Variants in RBM27 observed in about 807,000 individuals in gnomAD.
RBM27 encodes RNA binding motif protein 27.
In RBM27, 22 loss-of-function variants were observed where a neutral mutation model predicts 135.3. That is an observed-to-expected ratio of 0.16 (90% CI 0.12 to 0.23). RBM27 has a LOEUF of 0.23. Among genes scored for constraint, RBM27 ranks in the 10% least tolerant of loss-of-function variants. The pLI, the probability that RBM27 is intolerant of heterozygous loss-of-function variation, is 1.00. For synonymous variants in RBM27, 481 were observed against 442.4 expected (o/e 1.09, Z -1.10); for missense variants, 1,009 against 1,281.0 (o/e 0.79, Z 3.24).
intron 1 of RBM27, among the ~76,000 whole-genome samples, chr5:146,210,200 A>G (rs112544746): frequency 0.019 from 2,969 of 152,282 alleles, 106 homozygotes; most frequent in African/African-American, 0.068. Context: ...CACTCAGTAT[A>G]TGTTTAAATG....
intron 19 of RBM27, among the ~76,000 whole-genome samples, chr5:146,282,419 A>G (rs1018424334): frequency 1.3e-5 from 2 of 152,214 alleles, no homozygotes; most frequent in African/African-American, 4.8e-5. Context: ...TCTCTTGGAT[A>G]TACAGTTGGC....
chr5:146,242,512 A>G (rs941903648), intron 8 of RBM27, among the ~76,000 whole-genome samples: 1 of 152,262 alleles, frequency 6.6e-6, no homozygotes, highest in Non-Finnish European at 1.5e-5. Flanking sequence ...TAAAATTTAT[A>G]GAGAAATTTT....
In RBM27 at chr5:146,271,672, T is replaced by C. The variant is rs778158767; in HGVS notation, c.2986T>C (p.Ser996Pro). Residue 996 changes from serine to proline, a missense_variant and splice_region_variant, in exon 19 of 21, where the codon TCA becomes CCA. Coordinates refer to ENST00000265271, the MANE Select transcript of RBM27 (RefSeq NM_018989.2). ...EEKEDLLQHF[S>P]TANQGPKFKD... ...AAAAGAAGACTTGCTTCAGCATTTC[T>C]CAGTAAGTTTTTAAAATAGCAAATG... is the stretch of plus-strand genomic sequence containing the variant. 1.2e-6 allele frequency: 2 copies of C among 1,609,402 alleles called. No individual in the cohort carries two copies. Among genetic ancestry groups the C allele is most frequent in the East Asian group, 4.5e-5 (2 of 44,852 alleles).
intron 15 of RBM27, among the ~76,000 whole-genome samples, chr5:146,268,955 A>G (rs887879213): frequency 2.0e-5 from 3 of 152,210 alleles, no homozygotes; most frequent in African/African-American, 7.2e-5. Flanking sequence ...TCATAAGGAC[A>G]TTCAGGTCAT....
intron 8 of RBM27, among the ~76,000 whole-genome samples, chr5:146,240,294 A>G (rs72806111): frequency 0.21 from 30,682 of 148,334 alleles, 4,119 homozygotes; most frequent in Admixed American, 0.33. Context: ...GCTGTTTTCT[A>G]TCTGTCTGTC....
intron 8 of RBM27, among the ~76,000 whole-genome samples, chr5:146,237,710 C>G (rs1380869602): frequency 6.6e-6 from 1 of 152,042 alleles, no homozygotes; most frequent in Non-Finnish European, 1.5e-5. Flanking sequence ...TTTTTTGAGA[C>G]AGAGTCTCGC....
At chr5:146,239,706 C>A (rs980998103) in intron 8 of RBM27, among the ~76,000 whole-genome samples, 8 of 151,212 alleles carry the variant, frequency 5.3e-5, no homozygotes, top group African/African-American at 1.7e-4. Context: ...AAACTCCTGG[C>A]CTTAAGTGAT....
intron 10 of RBM27, among the ~76,000 whole-genome samples, chr5:146,255,484 C>A (rs1379210678): frequency 1.3e-5 from 2 of 152,124 alleles, no homozygotes; most frequent in Non-Finnish European, 2.9e-5. Context: ...AGCTATGCAT[C>A]ACACTAATTA....
intron 1 of RBM27, among the ~76,000 whole-genome samples, chr5:146,211,452 G>T (rs1755940001): frequency 1.9e-5 from 2 of 106,998 alleles, no homozygotes; most frequent in Admixed American, 1.1e-4. Context: ...ACTTTGTCCA[G>T]TATGGTCTTA....
chr5:146,253,581 G>T (rs1289458245), intron 9 of RBM27, among the ~76,000 whole-genome samples: 6 of 151,858 alleles, frequency 4.0e-5, no homozygotes. Flanking sequence ...AAATGGGGGT[G>T]GGAGGAAGAG....
intron 9 of RBM27, 109 bp from the exon 10 acceptor site, chr5:146,254,834 T>G: frequency 2.0e-6 from 2 of 996,720 alleles, no homozygotes; most frequent in Non-Finnish European, 2.9e-6. Context: ...GGTTGATGTA[T>G]TTGTTGGAGA....
rs377645930 is a variant in RBM27, at chr5:146,260,782, C to A, written c.1777C>A (p.Arg593=). ...NNNQNKPGFL[R]KNQYTNTKLE... is the part of the protein sequence containing the mutation. ...CAATCAAAATAAACCAGGGTTCTTA[C>A]GAAAGAATCAGTATACAAACACCAA... The change falls in exon 12 of 21, where the codon CGA becomes AGA. Residue 593 remains arginine (R), a synonymous_variant. Transcript: ENST00000265271. 1.3e-4 allele frequency: 206 copies of A among 1,609,872 alleles called. No homozygotes were observed. The highest frequency in any genetic ancestry group is 1.7e-4 in the Non-Finnish European group (196 of 1,178,768).
At chr5:146,257,150 A>G (rs1758139015) in intron 10 of RBM27, among the ~76,000 whole-genome samples, 1 of 152,220 alleles carries the variant, frequency 6.6e-6, no homozygotes, top group African/African-American at 2.4e-5. Flanking sequence ...TTTACATCAT[A>G]ATTTCCCTGA....
chr5:146,285,901 T>TA, intron 20 of RBM27, 46 bp from the exon 21 acceptor site: 4 of 1,454,088 alleles, frequency 2.8e-6, no homozygotes, highest in Middle Eastern at 1.7e-4. Context: ...GTATTTTACT[T>TA]ACCATTCTTG....
intron 8 of RBM27, among the ~76,000 whole-genome samples, chr5:146,247,504 T>A (rs1236054408): frequency 6.6e-6 from 1 of 152,210 alleles, no homozygotes; most frequent in Non-Finnish European, 1.5e-5. Flanking sequence ...CTTTCTTAAG[T>A]CTTTATAGAA....
At position 146,254,940 on chromosome 5, in the gene RBM27, C is replaced by T. The variant is rs752312506; in HGVS notation, c.1445-3C>T. ...TGTGTTTTGTTGCTTTGTTTTCCCTCAGATACATATGAACCAGATGGTTAC... is the reference window on the plus strand; with the variant it reads ...TGTGTTTTGTTGCTTTGTTTTCCCTTAGATACATATGAACCAGATGGTTAC... On this transcript the variant is annotated splice_region_variant and splice_polypyrimidine_tract_variant and intron_variant, in intron 9 of 20. Transcript: ENST00000265271. 1.3e-6 allele frequency: 2 copies of T among 1,560,620 alleles called. No individual in the cohort carries two copies. The highest frequency in any genetic ancestry group is 2.3e-5 in the East Asian group (1 of 43,792).
Position 146,230,716 on chromosome 5 carries a change from C to T in RBM27, c.649C>T (p.Pro217Ser). 1 of 1,613,684 alleles carries T rather than the reference C, an allele frequency of 6.2e-7. No homozygotes were observed. Among genetic ancestry groups the T allele is most frequent in the Non-Finnish European group, 8.5e-7 (1 of 1,179,630 alleles). Reference sequence around the variant, plus strand: ...GAATGACCTGGAGAGTTCCTATGTGCCTGTGTCTGCACCACCTCCAAACTC... The same window carrying T: ...GAATGACCTGGAGAGTTCCTATGTGTCTGTGTCTGCACCACCTCCAAACTC... Reference protein sequence around the residue: ...ERNDLESSYVPVSAPPPNSSE... With the variant: ...ERNDLESSYVSVSAPPPNSSE... Residue 217 changes from proline to serine, a missense_variant, in exon 6 of 21, where the codon CCT becomes TCT. Transcript: ENST00000265271.
chr5:146,215,479 C>A (rs188037187), intron 1 of RBM27, among the ~76,000 whole-genome samples: 1 of 152,170 alleles, frequency 6.6e-6, no homozygotes, highest in Non-Finnish European at 1.5e-5. Flanking sequence ...CTTGAAGGTT[C>A]CTATAACGTC....
chr5:146,284,836 T>C, intron 20 of RBM27, 104 bp downstream of exon 20: 1 of 675,828 alleles, frequency 1.5e-6, no homozygotes, highest in South Asian at 2.2e-5. Context: ...GGTTTTTCTT[T>C]CATGCATGCA....
Sources: allele counts gnomAD v4.1 joint callset (sites outside exome capture counted in the v4.1 genomes callset), GRCh38; gene constraint gnomAD v4.1.1; transcripts MANE v1.5; gene names NCBI Gene and HGNC (gene_info 2026-07-23, HGNC 2026-07-21).